The following ZNF527 variants were observed in gnomAD, a reference collection of about 807,000 sequenced individuals.
ZNF527 encodes the protein zinc finger protein 527.
In ZNF527, 5 loss-of-function variants were observed where a neutral mutation model predicts 13.5. The ratio of observed to expected loss-of-function variants is 0.37; its 90% CI spans 0.19 to 0.78. The LOEUF is 0.78. ZNF527 is among the 30% of genes least tolerant of loss of function. The pLI, the probability that ZNF527 is intolerant of heterozygous loss-of-function variation, is 0.48. For synonymous variants in ZNF527, 209 were observed against 243.1 expected, an observed-to-expected ratio of 0.86 and a Z score of 1.30; for missense variants, 628 against 726.4, an observed-to-expected ratio of 0.86 and a Z score of 1.56.
chr19:37,380,082 C>A, intron 3 of ZNF527, 195 bp from the exon 4 acceptor site: 1 of 1,109,740 alleles, frequency 9.0e-7, no homozygotes, highest in Non-Finnish European at 1.2e-6. Context: ...CTTTGAGAAC[C>A]ACTGTCACGG....
rs1228603030 is a variant in ZNF527 at position 37,388,983 on chromosome 19, A to G, written c.934A>G (p.Ser312Gly). 1.2e-6 allele frequency: 2 copies of G among 1,614,102 alleles called. No individual in the cohort carries two copies. The highest frequency in any genetic ancestry group is 1.7e-6 in the Non-Finnish European group (2 of 1,180,032). Residue 312 changes from serine (S) to glycine (G), a missense_variant, in exon 5 of 5, where the codon AGC (serine) becomes GGC (glycine). By Grantham distance (56) the Ser-to-Gly change is moderately conservative. Coordinates refer to ENST00000436120, the MANE Select transcript of ZNF527 (RefSeq NM_032453.2). ...ATGCAATGACTGTGGAAAAGCCTTT[A>G]GCCACGACTTCTTTCTCAGTGAACA... ...YACNDCGKAFSHDFFLSEHQR... is the reference protein window; with the variant it reads ...YACNDCGKAFGHDFFLSEHQR...
chr19:37,387,065 AAGATAC>A (rs1182581796), intron 4 of ZNF527, among the ~76,000 whole-genome samples: 1 of 152,222 alleles, frequency 6.6e-6, no homozygotes, highest in East Asian at 1.9e-4. Flanking sequence ...GGAAAGAAGA[AAGATAC>A]AGATGAATAA....
chr19:37,383,847 T>C (rs1219836053), intron 4 of ZNF527, among the ~76,000 whole-genome samples: 1 of 151,984 alleles, frequency 6.6e-6, no homozygotes, highest in Non-Finnish European at 1.5e-5. Context: ...TATTTTCCAC[T>C]TTTTAAAATA....
rs2040718786 is a variant in ZNF527 at position 37,388,505 on chromosome 19, T to C, written c.456T>C (p.Ala152=). ...AGAGGCATTTCATGCAAGTGACAGC[T>C]GTTAAGGAAATCTCTACTGGGAAAA... ...NAERHFMQVT[A]VKEISTGKRD... is the part of the protein sequence containing the mutation. Residue 152 remains alanine (A), a synonymous_variant, in exon 5 of 5, where the codon GCT becomes GCC. Transcript: ENST00000436120. The C allele has an allele frequency of 6.2e-7, 1 of 1,614,052 alleles. No individual in the cohort carries two copies. The highest frequency in any genetic ancestry group is 8.5e-7 in the Non-Finnish European group (1 of 1,180,026).
At chr19:37,375,829 G>A (rs1205737437) in intron 2 of ZNF527, among the ~76,000 whole-genome samples, 2 of 152,162 alleles carry the variant, frequency 1.3e-5, no homozygotes, top group East Asian at 1.9e-4. Context: ...TGATGTAGAA[G>A]GAAAACCAGA....
At chr19:37,383,648 C>G (rs2040673674) in intron 4 of ZNF527, among the ~76,000 whole-genome samples, 1 of 151,758 alleles carries the variant, frequency 6.6e-6, no homozygotes, top group South Asian at 2.1e-4. Flanking sequence ...AAGCGATTCT[C>G]CTGTATCAGC....
At chr19:37,374,708 G>C (rs1004178104) in intron 2 of ZNF527, among the ~76,000 whole-genome samples, 3 of 152,214 alleles carry the variant, frequency 2.0e-5, no homozygotes, top group African/African-American at 7.2e-5. Context: ...AGGGAAATGA[G>C]CACTGTGATG....
Position 37,389,341 on chromosome 19 carries a change from T to C in ZNF527, c.1292T>C (p.Leu431Pro). ...TTCAGCAGACGCATAGCCCTTACTC[T>C]ACATCAAAGAATTCACACAGGAGAG... is the stretch of plus-strand genomic sequence containing the variant. The part of the protein sequence containing the change: ...KAFSRRIALT[L>P]HQRIHTGEKP... The change falls in exon 5 of 5, where the codon CTA becomes CCA. Residue 431 changes from leucine (L) to proline (P), a missense_variant. Physicochemically the swap from Leu to Pro is moderately conservative, Grantham distance 98 (BLOSUM62 -3). Around this residue, in one of 3 missense-constraint regions of ZNF527, gnomAD observed 592 missense variants for 678.0 expected, o/e 0.87. Coordinates refer to ENST00000436120, the MANE Select transcript of ZNF527 (RefSeq NM_032453.2). The C allele has an allele frequency of 6.2e-7, 1 of 1,613,842 alleles. No individual in the cohort carries two copies. The highest frequency in any genetic ancestry group is 1.1e-5 in the South Asian group (1 of 91,048).
intron 4 of ZNF527, among the ~76,000 whole-genome samples, chr19:37,383,879 T>C (rs556560556): frequency 6.6e-6 from 1 of 152,322 alleles, no homozygotes; most frequent in South Asian, 2.1e-4. Context: ...AGGGCTTATA[T>C]ACAATACAGA....
rs766619139 is a variant in ZNF527 at position 37,389,238 on chromosome 19, C to T, written c.1189C>T (p.Gln397Ter). ...TAAAGAATGTAATAAAGCCTTCAGA[C>T]AGAGTGCTCACCTTAATCAACATCA... is the stretch of plus-strand genomic sequence containing the variant. Reference protein sequence around the residue: ...ECKECNKAFRQSAHLNQHQRI... With the variant: ...ECKECNKAFR The change falls in exon 5 of 5, where the codon CAG becomes TAG. Residue 397 changes from glutamine to a stop codon, truncating the protein, a stop_gained. Transcript: ENST00000436120. LOFTEE classifies it low-confidence loss of function (END_TRUNC). 1.9e-6 allele frequency: 3 copies of T among 1,614,046 alleles called. No homozygotes were observed. In the African/African-American group the frequency reaches 4.0e-5, roughly 22 times the overall value.
intron 4 of ZNF527, among the ~76,000 whole-genome samples, chr19:37,383,982 A>G (rs1055572378): frequency 2.0e-5 from 3 of 152,136 alleles, no homozygotes; most frequent in African/African-American, 7.2e-5. Flanking sequence ...GCTTAATCCT[A>G]TATATTGTCT....
chr19:37,371,306 C>T (rs1425096349), intron 1 of ZNF527, 80 bp downstream of exon 1: 2 of 152,266 alleles, frequency 1.3e-5, no homozygotes, highest in African/African-American at 4.8e-5. Context: ...GGGATGGGAA[C>T]CCGGCAGGAG....
chr19:37,372,467 C>CTTTTTTTTTTTTTT (rs1022024971), intron 1 of ZNF527, among the ~76,000 whole-genome samples: 21 of 65,656 alleles, frequency 3.2e-4, no homozygotes, highest in Non-Finnish European at 4.7e-4. Flanking sequence ...CTTTTCTTTT[C>CTTTTTTTTTTTTTT]TTTTTTTTTT....
At chr19:37,385,095 G>T in intron 4 of ZNF527, 1 of 483,680 alleles carries the variant, frequency 2.1e-6, no homozygotes, top group South Asian at 4.3e-5. Context: ...CAAACTGTTG[G>T]GATTACTGGC....
chr19:37,374,226 T>G lies in ZNF527; in HGVS notation c.28T>G (p.Ser10Ala), dbSNP rs1401522280. The G allele has an allele frequency of 6.2e-7, 1 of 1,614,148 alleles. No individual in the cohort carries two copies. Among genetic ancestry groups the G allele is most frequent in the Admixed American group, 1.7e-5 (1 of 60,026 alleles). The change falls in exon 2 of 5, where the codon TCC becomes GCC. Residue 10 changes from serine (S) to alanine (A), a missense_variant. Coordinates refer to ENST00000436120, the MANE Select transcript of ZNF527 (RefSeq NM_032453.2). Reference protein sequence around the residue: MAVGLCKAMSQGLVTFRDVA... With the variant: MAVGLCKAMAQGLVTFRDVA... ...GGCTGTGGGGCTTTGTAAAGCCATGTCCCAGGTAAGCATGCTCTTTCACTT... is the reference window on the plus strand; with the variant it reads ...GGCTGTGGGGCTTTGTAAAGCCATGGCCCAGGTAAGCATGCTCTTTCACTT...
chr19:37,388,638 G>A lies in ZNF527; in HGVS notation c.589G>A (p.Asp197Asn). 1 of 1,613,642 alleles carries A rather than the reference G, an allele frequency of 6.2e-7. No individual in the cohort carries two copies. Among genetic ancestry groups the A allele is most frequent in the Non-Finnish European group, 8.5e-7 (1 of 1,179,884 alleles). ...IQQVHKFDIYDKLFPQNSVII... is the reference protein window; with the variant it reads ...IQQVHKFDIYNKLFPQNSVII... ...GCAAGTACATAAATTTGATATTTAT[G>A]ATAAACTCTTCCCCCAAAATTCAGT... Residue 197 changes from aspartate to asparagine, a missense_variant, in exon 5 of 5, where the codon GAT becomes AAT. Transcript: ENST00000436120.
rs1420362530 is a variant in ZNF527, at chr19:37,388,661, A to T, written c.612A>T (p.Ser204=). 1 of 1,612,978 alleles carries T rather than the reference A, an allele frequency of 6.2e-7. No individual in the cohort carries two copies. The highest frequency in any genetic ancestry group is 8.5e-7 in the Non-Finnish European group (1 of 1,179,730). ...DIYDKLFPQN[S]VIIEYKRLHA... is the part of the protein sequence containing the mutation. ...ATGATAAACTCTTCCCCCAAAATTCAGTCATAATTGAATATAAAAGACTCC... is the reference window on the plus strand; with the variant it reads ...ATGATAAACTCTTCCCCCAAAATTCTGTCATAATTGAATATAAAAGACTCC... Residue 204 remains serine, a synonymous_variant, in exon 5 of 5, where the codon TCA becomes TCT. Transcript: ENST00000436120.
intron 2 of ZNF527, among the ~76,000 whole-genome samples, chr19:37,375,311 T>TTTTCTTTTCTTTCTTTCTTTC (rs2040596030): frequency 1.3e-5 from 1 of 79,796 alleles, no homozygotes; most frequent in South Asian, 4.8e-4. Flanking sequence ...TCTTTCTTTC[T>TTTTCTTTTCTTTCTTTCTTTC]TTTCTTTCTT....
intron 1 of ZNF527, among the ~76,000 whole-genome samples, chr19:37,372,111 TGCCTCA>T (rs1383344907): frequency 6.6e-6 from 1 of 151,366 alleles, no homozygotes; most frequent in Admixed American, 6.6e-5. Context: ...GTGATTCTCC[TGCCTCA>T]GCCTCCCAAG....
Sources: allele counts gnomAD v4.1 joint callset (sites outside exome capture counted in the v4.1 genomes callset), GRCh38; gene constraint gnomAD v4.1.1; regional missense constraint gnomAD v4.1.1; transcripts MANE v1.5; gene names NCBI Gene and HGNC (gene_info 2026-07-23, HGNC 2026-07-21).